Variants in HPSE2 observed in about 807,000 individuals in gnomAD.
The protein encoded by HPSE2 is inactive heparanase-2.
In HPSE2, 38 loss-of-function variants were observed where a neutral mutation model predicts 60.5. That is an observed-to-expected ratio of 0.63 (90% CI 0.48 to 0.82). The LOEUF (loss-of-function observed/expected upper bound fraction) is 0.82, where lower values mean the gene tolerates loss of function less well. Among genes scored for constraint, HPSE2 ranks in the 40% least tolerant of loss-of-function variants. HPSE2 has a pLI of 0.00. For missense variants in HPSE2, 713 were observed against 740.4 expected (o/e 0.96, Z 0.43); for synonymous variants, 295 against 293.2 (o/e 1.01, Z -0.06).
chr10:98,952,314 TTGTGTGTGTGTGTGTGTGTG>T (rs59116303), intron 3 of HPSE2, among the ~76,000 whole-genome samples: 1 of 137,412 alleles, frequency 7.3e-6, no homozygotes, highest in Non-Finnish European at 1.6e-5. Context: ...AAGAATTTGT[TTGTGTGTGTGTGTGTGTGTG>T]TGTGTGTGTG....
intron 3 of HPSE2, among the ~76,000 whole-genome samples, chr10:99,027,476 C>G (rs1038685903): frequency 3.1e-4 from 47 of 152,168 alleles, no homozygotes; most frequent in Admixed American, 9.8e-4. Flanking sequence ...TAAAAAGTTT[C>G]CCACTAAAGA....
intron 9 of HPSE2, among the ~76,000 whole-genome samples, chr10:98,550,380 A>G (rs1336796566): frequency 6.6e-6 from 1 of 151,810 alleles, no homozygotes; most frequent in Non-Finnish European, 1.5e-5. Flanking sequence ...TGCAACCTCA[A>G]ACTCCTGAGT....
intron 9 of HPSE2, among the ~76,000 whole-genome samples, chr10:98,580,012 G>T (rs1179625268): frequency 1.3e-5 from 2 of 152,184 alleles, no homozygotes; most frequent in Non-Finnish European, 2.9e-5. Context: ...AAATGTCACT[G>T]CCCTCACACT....
chr10:98,833,775 G>A (rs1239138434), intron 3 of HPSE2, among the ~76,000 whole-genome samples: 2 of 152,124 alleles, frequency 1.3e-5, no homozygotes, highest in African/African-American at 4.8e-5. Context: ...GGGGAAGCAT[G>A]TTTAGAAGTG....
intron 2 of HPSE2, among the ~76,000 whole-genome samples, chr10:99,151,815 C>T (rs1846275977): frequency 1.3e-5 from 2 of 152,122 alleles, no homozygotes; most frequent in East Asian, 3.9e-4. Context: ...ATTCAGGAAG[C>T]TGAAACAGGA....
In HPSE2 at chr10:98,459,075, A is replaced by G. The variant is rs1425004626; in HGVS notation, c.*499T>C. 3 of 214,074 alleles carry G rather than the reference A, an allele frequency of 1.4e-5. No individual in the cohort carries two copies. The highest frequency in any genetic ancestry group is 6.8e-5 in the African/African-American group (3 of 43,970). The allele number at this position is 214,074 out of a possible 1,614,324, so 13.3% of individuals were successfully genotyped here. A position where few individuals can be genotyped will look rare whatever the true frequency, so the allele number is the denominator to read the frequency against. Reference sequence around the variant, plus strand: ...CTCCCCTATGGAAAGAGATGTGTCAAAAAACTCAGGGCAGCAGCAAGAAAG... The same window carrying G: ...CTCCCCTATGGAAAGAGATGTGTCAGAAAACTCAGGGCAGCAGCAAGAAAG... On this transcript the variant is annotated 3_prime_UTR_variant, in exon 12 of 12. Transcript: ENST00000370552.
chr10:99,056,860 A>C (rs1404774137), intron 3 of HPSE2, among the ~76,000 whole-genome samples: 2 of 152,236 alleles, frequency 1.3e-5, no homozygotes, highest in Non-Finnish European at 2.9e-5. Flanking sequence ...ATGAGAAATC[A>C]TATATCAATT....
intron 9 of HPSE2, among the ~76,000 whole-genome samples, chr10:98,557,168 G>A (rs979124660): frequency 6.6e-5 from 10 of 151,810 alleles, no homozygotes; most frequent in Non-Finnish European, 1.3e-4. Flanking sequence ...AGCCGAGATC[G>A]CACCACTGCA....
chr10:98,751,318 A>G (rs1301621879), intron 3 of HPSE2, among the ~76,000 whole-genome samples: 1 of 152,150 alleles, frequency 6.6e-6, no homozygotes, highest in Non-Finnish European at 1.5e-5. Context: ...AACAACTGTT[A>G]CCTGGGAATT....
intron 3 of HPSE2, among the ~76,000 whole-genome samples, chr10:98,889,861 T>C (rs1953283949): frequency 6.6e-6 from 1 of 152,158 alleles, no homozygotes; most frequent in Non-Finnish European, 1.5e-5. Context: ...CATAACCCTT[T>C]CTAAGGTTCA....
chr10:99,107,032 G>A (rs954145570), intron 3 of HPSE2, among the ~76,000 whole-genome samples: 2 of 152,088 alleles, frequency 1.3e-5, no homozygotes, highest in South Asian at 2.1e-4. Flanking sequence ...CACCATGCCT[G>A]GTTAATTTTT....
At chr10:98,475,251 G>A (rs928180559) in intron 11 of HPSE2, among the ~76,000 whole-genome samples, 3 of 151,782 alleles carry the variant, frequency 2.0e-5, no homozygotes, top group Non-Finnish European at 4.4e-5. Flanking sequence ...CCGAGTAGCT[G>A]GAACTACAGG....
intron 3 of HPSE2, among the ~76,000 whole-genome samples, chr10:98,881,046 G>T (rs1473903998): frequency 6.6e-6 from 1 of 152,032 alleles, no homozygotes; most frequent in Non-Finnish European, 1.5e-5. Flanking sequence ...TTTGAGGACA[G>T]CTCTCAGGAC....
chr10:99,307,830 GCGCACACA>G, the HPSE2 span, among the ~76,000 whole-genome samples: 1,042 of 141,098 alleles, frequency 7.4e-3, 5 homozygotes, highest in South Asian at 0.017. Flanking sequence ...CCTAGTAAAT[GCGCACACA>G]CACACACACA....
At chr10:98,970,040 C>T (rs1400362707) in intron 3 of HPSE2, among the ~76,000 whole-genome samples, 2 of 151,842 alleles carry the variant, frequency 1.3e-5, no homozygotes, top group Non-Finnish European at 2.9e-5. Flanking sequence ...CAGCTCACTG[C>T]AACCTCTGCC....
chr10:98,775,575 C>T (rs1950322928), intron 3 of HPSE2, among the ~76,000 whole-genome samples: 1 of 152,280 alleles, frequency 6.6e-6, no homozygotes, highest in South Asian at 2.1e-4. Context: ...AACTGTGCAA[C>T]AACTATAGGA....
intron 3 of HPSE2, among the ~76,000 whole-genome samples, chr10:98,855,209 T>C (rs1952281680): frequency 6.6e-6 from 1 of 152,154 alleles, no homozygotes. Flanking sequence ...AGGTGGAGTA[T>C]GGACTAGTAT....
intron 3 of HPSE2, among the ~76,000 whole-genome samples, chr10:99,115,506 G>C (rs1472254172): frequency 1.3e-5 from 2 of 151,646 alleles, no homozygotes; most frequent in South Asian, 2.1e-4. Context: ...TGTTGCCCAG[G>C]CTGTTCTTGA....
chr10:98,719,071 A>G (rs1948858479), intron 5 of HPSE2, among the ~76,000 whole-genome samples: 1 of 152,218 alleles, frequency 6.6e-6, no homozygotes, highest in Admixed American at 6.5e-5. Flanking sequence ...GAAGTTAGTC[A>G]TGATTTATAA....
Sources: gnomAD v4.1 joint callset for allele counts (sites outside exome capture counted in the v4.1 genomes callset) on GRCh38, gnomAD v4.1.1 for gene constraint, MANE v1.5 for transcripts, NCBI Gene and HGNC (gene_info 2026-07-23, HGNC 2026-07-21) for gene names.